Variants in C10orf90 observed in about 807,000 individuals in gnomAD.
The protein encoded by C10orf90 is (E2-independent) E3 ubiquitin-conjugating enzyme FATS.
In C10orf90, 56 loss-of-function variants were observed where a neutral mutation model predicts 62.5. The ratio of observed to expected loss-of-function variants is 0.90; its 90% CI spans 0.72 to 1.12. The LOEUF (loss-of-function observed/expected upper bound fraction) is 1.12, where lower values mean the gene tolerates loss of function less well. C10orf90 is among the 50% of genes most tolerant of loss of function. The pLI is 0.00. For synonymous variants in C10orf90, 386 were observed against 340.4 expected, an observed-to-expected ratio of 1.13 and a Z score of -1.47; for missense variants, 970 against 880.4, an observed-to-expected ratio of 1.10 and a Z score of -1.29.
chr10:126,458,099 T>C (rs774435175), intron 7 of C10orf90, among the ~76,000 whole-genome samples: 17 of 152,052 alleles, frequency 1.1e-4, no homozygotes, highest in Non-Finnish European at 2.9e-5. Context: ...AGCCTGCCCA[T>C]AGACTGGGGA....
intron 1 of C10orf90, among the ~76,000 whole-genome samples, chr10:126,650,319 C>A (rs1288405402): frequency 6.6e-6 from 1 of 152,130 alleles, no homozygotes; most frequent in Non-Finnish European, 1.5e-5. Flanking sequence ...TTTACCAAAG[C>A]CACACAATGG....
intron 7 of C10orf90, among the ~76,000 whole-genome samples, chr10:126,449,858 A>T (rs2134063509): frequency 6.6e-6 from 1 of 152,138 alleles, no homozygotes; most frequent in Non-Finnish European, 1.5e-5. Context: ...TTAGCCGGGC[A>T]TGGTGGCATG....
intron 1 of C10orf90, among the ~76,000 whole-genome samples, chr10:126,668,422 T>C (rs528972580): frequency 6.6e-6 from 1 of 152,168 alleles, no homozygotes; most frequent in Non-Finnish European, 1.5e-5. Context: ...AAGTGCTAAT[T>C]GGGGTCTCTC....
chr10:126,495,723 A>G (rs1862009845), intron 4 of C10orf90, among the ~76,000 whole-genome samples: 1 of 152,210 alleles, frequency 6.6e-6, no homozygotes, highest in Admixed American at 6.5e-5. Context: ...AGTCAAAGGA[A>G]TGAAACACAT....
At chr10:126,475,444 C>A (rs142888604) in intron 4 of C10orf90, among the ~76,000 whole-genome samples, 2 of 152,210 alleles carry the variant, frequency 1.3e-5, no homozygotes, top group African/African-American at 4.8e-5. Flanking sequence ...AACTTCCATG[C>A]ATCGATTTTG....
chr10:126,623,767 G>T (rs753726810), intron 2 of C10orf90, among the ~76,000 whole-genome samples: 1 of 149,148 alleles, frequency 6.7e-6, no homozygotes, highest in African/African-American at 2.5e-5. Flanking sequence ...CTTGAACCCA[G>T]TAGGCAGAGG....
At chr10:126,582,590 C>T (rs888837365) in intron 2 of C10orf90, among the ~76,000 whole-genome samples, 4 of 152,086 alleles carry the variant, frequency 2.6e-5, no homozygotes, top group Admixed American at 6.6e-5. Flanking sequence ...AAAAGGGAGA[C>T]AAAGATCCTC....
chr10:126,615,317 AAAGACCTACCCC>A (rs1278543384), intron 2 of C10orf90, among the ~76,000 whole-genome samples: 1 of 152,182 alleles, frequency 6.6e-6, no homozygotes, highest in Non-Finnish European at 1.5e-5. Flanking sequence ...CCACTTCTAC[AAAGACCTACCCC>A]AAGTTATCCC....
chr10:126,551,786 C>T (rs1037920323), intron 2 of C10orf90, among the ~76,000 whole-genome samples: 1 of 152,186 alleles, frequency 6.6e-6, no homozygotes, highest in Non-Finnish European at 1.5e-5. Context: ...TTGATAAGGG[C>T]CTTGCACGCT....
intron 7 of C10orf90, among the ~76,000 whole-genome samples, chr10:126,455,417 T>C (rs74375096): frequency 0.016 from 2,419 of 152,266 alleles, 57 homozygotes; most frequent in African/African-American, 0.055. Flanking sequence ...ACAACAACCT[T>C]GGCAAACTCC....
At position 126,637,345 on chromosome 10, in the gene C10orf90, C is replaced by T. The variant is rs115548769; in HGVS notation, c.313+9220G>A. On this transcript the variant is annotated intron_variant, in intron 2 of 9. Transcript: ENST00000488181. ...CCTGATTCCCTGTCTCCATGCCCCA[C>T]CCAGACTTCATCCTAGACTTAGCTC... 4.5e-3 allele frequency among the ~76,000 whole-genome samples: 682 copies of T among 152,306 alleles called. 5 individuals carry two copies. The highest frequency in any genetic ancestry group is 0.016 in the African/African-American group (652 of 41,574).
intron 3 of C10orf90, among the ~76,000 whole-genome samples, chr10:126,510,134 T>G (rs2133906408): frequency 6.6e-6 from 1 of 152,268 alleles, no homozygotes. Context: ...TCACTTAACC[T>G]TAATCACTTC....
intron 4 of C10orf90, among the ~76,000 whole-genome samples, chr10:126,500,481 C>G (rs1468003193): frequency 6.6e-6 from 1 of 152,156 alleles, no homozygotes; most frequent in African/African-American, 2.4e-5. Flanking sequence ...CCTAGGACTT[C>G]TAGAACATAT....
intron 2 of C10orf90, among the ~76,000 whole-genome samples, chr10:126,632,969 C>A (rs557530863): frequency 6.6e-6 from 1 of 152,284 alleles, no homozygotes; most frequent in East Asian, 1.9e-4. Context: ...GTTCCATAAG[C>A]CACTGAGTTG....
At chr10:126,508,855 C>A (rs1006277444) in intron 3 of C10orf90, among the ~76,000 whole-genome samples, 1 of 152,208 alleles carries the variant, frequency 6.6e-6, no homozygotes, top group Admixed American at 6.5e-5. Flanking sequence ...CACCATGACA[C>A]CCATGAGATT....
At chr10:126,565,281 T>TACATATTATGGA (rs1844339134) in intron 2 of C10orf90, among the ~76,000 whole-genome samples, 1 of 59,228 alleles carries the variant, frequency 1.7e-5, no homozygotes, top group African/African-American at 6.4e-5. Flanking sequence ...TATATTATAT[T>TACATATTATGGA]ATATATTATA....
At chr10:126,595,805 G>A (rs1845072607) in intron 2 of C10orf90, among the ~76,000 whole-genome samples, 1 of 152,080 alleles carries the variant, frequency 6.6e-6, no homozygotes. Flanking sequence ...AGCAGCTGGG[G>A]TCCACATCTC....
intron 4 of C10orf90, among the ~76,000 whole-genome samples, chr10:126,499,939 G>T (rs1260818025): frequency 1.3e-5 from 2 of 152,198 alleles, no homozygotes; most frequent in African/African-American, 4.8e-5. Flanking sequence ...AAAATTGGCA[G>T]TAAGAAATGT....
chr10:126,443,559 G>GATTCACAGATGAATTCTAGAGCAGA (rs554466980), intron 7 of C10orf90, among the ~76,000 whole-genome samples: 1,686 of 152,088 alleles, frequency 0.011, 25 homozygotes, highest in African/African-American at 0.038. Flanking sequence ...GGACCAGACG[G>GATTCACAGATGAATTCTAGAGCAGA]ATTCACAGAT....
Sources: allele counts gnomAD v4.1 joint callset (sites outside exome capture counted in the v4.1 genomes callset), GRCh38; gene constraint gnomAD v4.1.1; transcripts MANE v1.5; gene names NCBI Gene and HGNC (gene_info 2026-07-23, HGNC 2026-07-21).